AGBL5: variants seen among roughly 807,000 people sequenced by gnomAD.
AGBL5 encodes AGBL carboxypeptidase 5.
Under a neutral mutation model 88.0 loss-of-function variants are expected in AGBL5, and 51 were observed. That is an observed-to-expected ratio of 0.58 (90% CI 0.46 to 0.73). The LOEUF is 0.73. Ranked by LOEUF, AGBL5 falls within the 30% of genes least tolerant of loss-of-function variation. The pLI is 0.00. For missense variants in AGBL5, 1,031 were observed against 1,162.2 expected, an observed-to-expected ratio of 0.89 and a Z score of 1.64; for synonymous variants, 446 against 438.8, an observed-to-expected ratio of 1.02 and a Z score of -0.21.
At position 27,059,818 on chromosome 2, in the gene AGBL5, T is replaced by C. The variant is rs1455762166; in HGVS notation, c.2089+414T>C. ...TGGGGAATCTTATCTGTGGTCTTTA[T>C]GGGCTGAAATTTTTCCTGGCTTCAG... On this transcript the variant is annotated intron_variant, in intron 11 of 14. Coordinates refer to ENST00000360131, the MANE Select transcript of AGBL5 (RefSeq NM_021831.6). Among the ~76,000 whole-genome samples the C allele has an allele frequency of 4.6e-5, 7 of 152,168 alleles. No homozygotes were observed. In the South Asian group the frequency reaches 6.2e-4, roughly 13 times the overall value.
chr2:27,054,892 G>C, intron 5 of AGBL5, 85 bp downstream of exon 5: 2 of 1,534,458 alleles, frequency 1.3e-6, no homozygotes, highest in East Asian at 2.3e-5. Context: ...GTTATCTCTA[G>C]GCATCTTGGA....
chr2:27,059,168 A>C (rs1223936299), intron 10 of AGBL5, 22 bp from the exon 11 acceptor site: 2 of 1,607,918 alleles, frequency 1.2e-6, no homozygotes, highest in Non-Finnish European at 1.7e-6. Flanking sequence ...GCCCGGGTTA[A>C]CTGGCATCTG....
At chr2:27,058,926 C>G (rs531246845) in intron 10 of AGBL5, among the ~76,000 whole-genome samples, 1 of 152,270 alleles carries the variant, frequency 6.6e-6, no homozygotes, top group East Asian at 1.9e-4. Flanking sequence ...GAAGGGAGTT[C>G]AAGGGTCAGT....
In AGBL5 at chr2:27,059,376, C is replaced by A. The variant is rs781747701; in HGVS notation, c.2061C>A (p.Val687=). The A allele has an allele frequency of 6.2e-7, 1 of 1,614,236 alleles. No homozygotes were observed. Among genetic ancestry groups the A allele is most frequent in the East Asian group, 2.2e-5 (1 of 44,888 alleles). The part of the protein sequence containing the change: ...LPGLGSSTQK[V]THRVLGPVRE... The stretch of plus-strand genomic sequence containing the variant: ...GCCTGGGCTCTAGTACCCAAAAGGT[C>A]ACCCACCGGGTGCTGGGCCCCGTCA... The change falls in exon 11 of 15, where the codon GTC becomes GTA. Residue 687 remains valine, a synonymous_variant. Coordinates refer to ENST00000360131, the MANE Select transcript of AGBL5 (RefSeq NM_021831.6).
At chr2:27,069,104 T>G (rs779935955) in intron 13 of AGBL5, 1 of 1,340,960 alleles carries the variant, frequency 7.5e-7, no homozygotes, top group African/African-American at 1.5e-5. Flanking sequence ...GGTAACACAT[T>G]TGGTTGCTGC....
At position 27,070,496 on chromosome 2, in the gene AGBL5, A is replaced by G. The variant is rs943087106; in HGVS notation, c.*233A>G. ...ATTTTGGGACCACAAAAAAAAGTCT[A>G]TATTTTTATATTGGGGGGAGGGAGT... On this transcript the variant is annotated 3_prime_UTR_variant, in exon 15 of 15. Transcript: ENST00000360131. The G allele has an allele frequency of 5.4e-5, 27 of 500,774 alleles. No individual in the cohort carries two copies. The highest frequency in any genetic ancestry group is 5.2e-4 in the Middle Eastern group (1 of 1,906). The allele number at this position is 500,774 out of a possible 1,614,324, so 31.0% of individuals were successfully genotyped here. A position where few individuals can be genotyped will look rare whatever the true frequency, so the allele number is the denominator to read the frequency against.
intron 4 of AGBL5, chr2:27,054,383 C>T (rs1668325206): frequency 3.6e-6 from 2 of 559,076 alleles, no homozygotes; most frequent in Middle Eastern, 4.6e-4. Flanking sequence ...ACAACTCCGA[C>T]TACATTAAGT....
Position 27,053,889 on chromosome 2 carries a change from T to C in AGBL5, c.388-7T>C. 2 of 1,610,490 alleles carry C rather than the reference T, an allele frequency of 1.2e-6. No individual in the cohort carries two copies. Among genetic ancestry groups the C allele is most frequent in the South Asian group, 1.1e-5 (1 of 90,792 alleles). ...TTGCCCCTCCCTCTTCCTCCTCTGCTCTTCAGATGACAGAGACGCAGTTTG... is the reference window on the plus strand; with the variant it reads ...TTGCCCCTCCCTCTTCCTCCTCTGCCCTTCAGATGACAGAGACGCAGTTTG... On this transcript the variant is annotated splice_region_variant and splice_polypyrimidine_tract_variant and intron_variant, in intron 3 of 14. Coordinates refer to ENST00000360131, the MANE Select transcript of AGBL5 (RefSeq NM_021831.6). The surrounding 1 kb of genome is among the most constrained non-coding windows in gnomAD (Gnocchi z 4.9).
At position 27,067,561 on chromosome 2, in the gene AGBL5, T is replaced by C. The variant is rs1161310809; in HGVS notation, c.2157T>C (p.Ala719=). 17 of 1,614,090 alleles carry C rather than the reference T, an allele frequency of 1.1e-5. No individual in the cohort carries two copies. Among genetic ancestry groups the C allele is most frequent in the Non-Finnish European group, 1.4e-5 (16 of 1,180,028 alleles). Residue 719 remains alanine (A), a synonymous_variant, in exon 12 of 15, where the codon GCT becomes GCC. Transcript: ENST00000360131. ...PLNHRPAGSL[A]PSPAPTSSGP... is the part of the protein sequence containing the mutation. ...ACCATCGTCCTGCAGGCAGCCTCGC[T>C]CCATCCCCAGCTCCTACTAGTTCTG... is the stretch of plus-strand genomic sequence containing the variant.
chr2:27,060,399 G>A (rs1394610311), intron 11 of AGBL5, among the ~76,000 whole-genome samples: 5 of 152,148 alleles, frequency 3.3e-5, no homozygotes, highest in East Asian at 1.9e-4. Context: ...GAAAATTAAC[G>A]GGAGTAACCT....
At chr2:27,054,115 C>G (rs1425896330) in intron 4 of AGBL5, 56 bp downstream of exon 4, 1 of 1,531,026 alleles carries the variant, frequency 6.5e-7, no homozygotes, top group African/African-American at 1.4e-5. Context: ...AGCACCTCCA[C>G]TACTTCTGGA....
chr2:27,067,780 T>C, intron 12 of AGBL5, 134 bp downstream of exon 12: 3 of 981,150 alleles, frequency 3.1e-6, no homozygotes, highest in Non-Finnish European at 5.0e-6. Flanking sequence ...ACTGGTGCCT[T>C]TGTATAGGAA....
chr2:27,060,791 A>G (rs1668679116), intron 11 of AGBL5, among the ~76,000 whole-genome samples: 1 of 152,240 alleles, frequency 6.6e-6, no homozygotes, highest in African/African-American at 2.4e-5. Flanking sequence ...AGGAAAGGAC[A>G]CTTGTGCACT....
At chr2:27,065,307 C>T (rs1361805425) in intron 11 of AGBL5, among the ~76,000 whole-genome samples, 1 of 152,160 alleles carries the variant, frequency 6.6e-6, no homozygotes, top group Non-Finnish European at 1.5e-5. Context: ...AGCCTCCCTA[C>T]CCCATCCATT....
At chr2:27,058,117 TTCAAA>T (rs1265085881) in intron 9 of AGBL5, among the ~76,000 whole-genome samples, 10 of 150,250 alleles carry the variant, frequency 6.7e-5, no homozygotes, top group African/African-American at 2.2e-4. Flanking sequence ...ACAGAAGGGA[TTCAAA>T]CCCCTTTCCT....
chr2:27,068,466 G>A (rs1178574645), intron 12 of AGBL5, among the ~76,000 whole-genome samples, 166 bp from the exon 13 acceptor site: 2 of 152,110 alleles, frequency 1.3e-5, no homozygotes, highest in South Asian at 2.1e-4. Context: ...TTGTTTAGAG[G>A]CTAGGGATGC....
intron 13 of AGBL5, 146 bp downstream of exon 13, chr2:27,068,890 C>A (rs1669128377): frequency 6.7e-7 from 1 of 1,497,492 alleles, no homozygotes; most frequent in Non-Finnish European, 8.9e-7. Flanking sequence ...TGCCTGAGTG[C>A]CTGTCTGTCC....
At chr2:27,051,189 A>G (rs1668099968), upstream of AGBL5, among the ~76,000 whole-genome samples, 1 of 152,174 alleles carries the variant, frequency 6.6e-6, no homozygotes, top group South Asian at 2.1e-4. Flanking sequence ...CCTGTAAGGC[A>G]AAGGGAAAGA....
At chr2:27,051,010 T>G (rs1668082537), upstream of AGBL5, 2 of 152,280 alleles carry the variant, frequency 1.3e-5, no homozygotes, top group South Asian at 4.1e-4. Context: ...TAACGCTCTT[T>G]CTGCGTTCAA....
Sources: gnomAD v4.1 joint callset for allele counts (sites outside exome capture counted in the v4.1 genomes callset) on GRCh38, gnomAD v4.1.1 for gene constraint, Gnocchi (gnomAD v3.1) non-coding constraint, MANE v1.5 for transcripts, NCBI Gene and HGNC (gene_info 2026-07-23, HGNC 2026-07-21) for gene names.